USH2A: variants seen among roughly 807,000 people sequenced by gnomAD.
The protein encoded by USH2A is usherin, also known as Usher syndrome 2A (autosomal recessive, mild).
Under a neutral mutation model 538.9 loss-of-function variants are expected in USH2A, and 443 were observed. The ratio of observed to expected loss-of-function variants is 0.82; its 90% CI spans 0.76 to 0.89. The LOEUF is 0.89. Among genes scored for constraint, USH2A ranks in the 40% least tolerant of loss-of-function variants. The pLI is 0.00. For synonymous variants in USH2A, 2,413 were observed against 2,273.5 expected, an observed-to-expected ratio of 1.06 and a Z score of -1.75; for missense variants, 6,633 against 6,324.8, an observed-to-expected ratio of 1.05 and a Z score of -1.65.
At chr1:215,743,386 A>ATATATATATATATATATATATATATT (rs878870284) in intron 58 of USH2A, 51 bp from the exon 59 acceptor site, 1 of 310,004 alleles carries the variant, frequency 3.2e-6, no homozygotes, top group Non-Finnish European at 5.4e-6. Flanking sequence ...ATATATATAT[A>ATATATATATATATATATATATATATT]TGTGTGTGTG....
intron 47 of USH2A, among the ~76,000 whole-genome samples, chr1:215,830,851 T>A (rs1370635060): frequency 6.6e-6 from 1 of 152,054 alleles, no homozygotes. Flanking sequence ...TATGAAAAAA[T>A]AGGAACTGAC....
intron 11 of USH2A, among the ~76,000 whole-genome samples, chr1:216,282,958 TC>T (rs1410662458): frequency 6.6e-6 from 1 of 152,198 alleles, no homozygotes; most frequent in Non-Finnish European, 1.5e-5. Flanking sequence ...AATATTTTAA[TC>T]TTTTGGTGAT....
At chr1:215,663,275 G>A (rs1410872670) in intron 64 of USH2A, among the ~76,000 whole-genome samples, 2 of 152,134 alleles carry the variant, frequency 1.3e-5, no homozygotes, top group Non-Finnish European at 2.9e-5. Flanking sequence ...TCGGATGGGG[G>A]CATGGACCTA....
chr1:216,117,936 G>C lies in USH2A; in HGVS notation c.4628-20723C>G, dbSNP rs188927171. Among the ~76,000 whole-genome samples, 14 of 151,510 alleles carry C rather than the reference G, an allele frequency of 9.2e-5. No homozygotes were observed. In the East Asian group the frequency reaches 2.5e-3, roughly 27 times the overall value. Reference sequence around the variant, plus strand: ...TATATGCATGTATTCCTCCTCCAAAGGAGTCATTTTGTTAAGATATTTCTT... The same window carrying C: ...TATATGCATGTATTCCTCCTCCAAACGAGTCATTTTGTTAAGATATTTCTT... On this transcript the variant is annotated intron_variant, in intron 21 of 71. Coordinates refer to ENST00000307340, the MANE Select transcript of USH2A (RefSeq NM_206933.4).
At chr1:215,998,786 C>CTTTT in intron 34 of USH2A, 101 bp downstream of exon 34, 2 of 1,095,360 alleles carry the variant, frequency 1.8e-6, no homozygotes, top group Admixed American at 2.2e-5. Flanking sequence ...AAGATTTTGA[C>CTTTT]TTTTTTTTTT....
chr1:216,363,548 T>C (rs902418730), intron 4 of USH2A, among the ~76,000 whole-genome samples: 1 of 152,130 alleles, frequency 6.6e-6, no homozygotes, highest in African/African-American at 2.4e-5. Context: ...CATCTATGTA[T>C]ATGATTGATA....
At chr1:215,914,595 C>T (rs1451660641) in intron 38 of USH2A, among the ~76,000 whole-genome samples, 1 of 152,016 alleles carries the variant, frequency 6.6e-6, no homozygotes, top group Admixed American at 6.6e-5. Context: ...TAAGAGCAAC[C>T]CTTTCTCCCC....
chr1:216,363,886 T>C (rs1461740570), intron 4 of USH2A, among the ~76,000 whole-genome samples: 2 of 151,746 alleles, frequency 1.3e-5, no homozygotes, highest in African/African-American at 2.4e-5. Flanking sequence ...TTTGGAAAAA[T>C]GTATTTATAA....
chr1:215,712,283 A>T (rs548884796), intron 61 of USH2A, among the ~76,000 whole-genome samples: 4 of 152,336 alleles, frequency 2.6e-5, no homozygotes, highest in Middle Eastern at 3.4e-3. Flanking sequence ...GGTAAGGAGG[A>T]TGATAGCATA....
At chr1:216,147,748 A>G (rs517885) in intron 21 of USH2A, among the ~76,000 whole-genome samples, 41,509 of 146,894 alleles carry the variant, frequency 0.28, 6,348 homozygotes, top group East Asian at 0.68. Context: ...TCTCCAGCAC[A>G]CAAGAACTTC....
At chr1:215,811,648 C>A (rs1662687982) in intron 49 of USH2A, among the ~76,000 whole-genome samples, 1 of 152,072 alleles carries the variant, frequency 6.6e-6, no homozygotes, top group Non-Finnish European at 1.5e-5. Flanking sequence ...TGTCTCACAC[C>A]TGTAATCCCA....
intron 3 of USH2A, among the ~76,000 whole-genome samples, chr1:216,408,848 T>C (rs554804101): frequency 6.6e-6 from 1 of 152,220 alleles, no homozygotes; most frequent in East Asian, 1.9e-4. Context: ...ATAGACAATA[T>C]GGAGAAGCTG....
At position 216,389,197 on chromosome 1, in the gene USH2A, T is replaced by C. The variant is rs183284615; in HGVS notation, c.652-24112A>G. On this transcript the variant is annotated intron_variant, in intron 3 of 71. Transcript: ENST00000307340. ...CCAATTCCCATATGTGTAACAATAA[T>C]GTGGGAGCAAAACAAAAAAAGAGTC... 6.2e-3 allele frequency among the ~76,000 whole-genome samples: 943 copies of C among 152,270 alleles called. 6 individuals are homozygous for C. Among genetic ancestry groups the C allele is most frequent in the Non-Finnish European group, 8.1e-3 (554 of 68,006 alleles).
Position 216,421,331 on chromosome 1 carries a change from A to G in USH2A, c.485+521T>C, listed in dbSNP as rs191853566. On this transcript the variant is annotated intron_variant, in intron 2 of 71. Transcript: ENST00000307340. ...TGTTTTTAGAGATGGAGGGTTATTT[A>G]TATATTCAATTTATATTACTGAACA... Among the ~76,000 whole-genome samples, 12 of 152,272 alleles carry G rather than the reference A, an allele frequency of 7.9e-5. No individual in the cohort carries two copies. The East Asian group carries it at 1.7e-3, about 22-fold the overall frequency.
chr1:216,160,830 A>G (rs916920886), intron 21 of USH2A, among the ~76,000 whole-genome samples: 1 of 152,134 alleles, frequency 6.6e-6, no homozygotes, highest in Non-Finnish European at 1.5e-5. Flanking sequence ...CTGTCAAAAT[A>G]TTAGATGGGG....
intron 43 of USH2A, 133 bp downstream of exon 43, chr1:215,877,625 G>C (rs1280214778): frequency 7.2e-7 from 1 of 1,382,054 alleles, no homozygotes; most frequent in Non-Finnish European, 1.0e-6. Context: ...TAATGCCACA[G>C]ATAATAACCA....
At chr1:215,931,946 A>T (rs538605868) in intron 38 of USH2A, among the ~76,000 whole-genome samples, 1 of 152,138 alleles carries the variant, frequency 6.6e-6, no homozygotes, top group South Asian at 2.1e-4. Context: ...AGGCTAAAAA[A>T]TGAGTAGGAT....
At position 215,814,050 on chromosome 1, in the gene USH2A, T is replaced by G; in HGVS notation, c.9571-146A>C. On this transcript the variant is annotated intron_variant, in intron 48 of 71. Coordinates refer to ENST00000307340, the MANE Select transcript of USH2A (RefSeq NM_206933.4). ...ATATTTCGTTGGTTTAAAAATGTAT[T>G]TTCCAGGATCATTCGAATTTTATAA... The G allele has an allele frequency of 4.1e-6, 4 of 970,458 alleles. No homozygotes were observed. The East Asian group carries it at 1.1e-4, about 26-fold the overall frequency. The allele number at this position is 970,458 out of a possible 1,614,324, so 60.1% of individuals were successfully genotyped here.
chr1:216,340,125 A>C (rs1480532666), intron 4 of USH2A, among the ~76,000 whole-genome samples: 1 of 152,016 alleles, frequency 6.6e-6, no homozygotes, highest in Non-Finnish European at 1.5e-5. Context: ...AAGAGAGAAG[A>C]ATCAAATAGA....
Sources: gnomAD v4.1 joint callset for allele counts (sites outside exome capture counted in the v4.1 genomes callset) on GRCh38, gnomAD v4.1.1 for gene constraint, MANE v1.5 for transcripts, NCBI Gene and HGNC (gene_info 2026-07-23, HGNC 2026-07-21) for gene names.